The following PCNX1 variants were observed in gnomAD, a reference collection of about 807,000 sequenced individuals.
PCNX1 encodes pecanex 1.
A neutral mutation model predicts 242.2 loss-of-function variants in PCNX1; 78 were observed. The observed-to-expected ratio is 0.32, with a 90% confidence interval of 0.27 to 0.39. The LOEUF (loss-of-function observed/expected upper bound fraction) is 0.39, where lower values mean the gene tolerates loss of function less well. Ranked by LOEUF, PCNX1 falls within the 10% of genes least tolerant of loss-of-function variation. The probability of loss-of-function intolerance (pLI) is 1.00; values close to 1 mark genes in which losing one functional copy is unlikely to be tolerated. For synonymous variants in PCNX1, 1,024 were observed against 1,032.9 expected, an observed-to-expected ratio of 0.99 and a Z score of 0.17; for missense variants, 2,581 against 2,856.5, an observed-to-expected ratio of 0.90 and a Z score of 2.20.
At chr14:71,067,080 T>C (rs1377613553) in intron 26 of PCNX1, among the ~76,000 whole-genome samples, 1 of 152,144 alleles carries the variant, frequency 6.6e-6, no homozygotes. Context: ...CTTTTTTTTT[T>C]TTAATGTCTC....
At position 71,108,703 on chromosome 14, in the gene PCNX1, G is replaced by A. The variant is rs371427337; in HGVS notation, c.6401G>A (p.Arg2134Gln). The A allele has an allele frequency of 1.2e-5, 19 of 1,614,108 alleles. No individual in the cohort carries two copies. The highest frequency in any genetic ancestry group is 1.6e-4 in the Middle Eastern group (1 of 6,084). The stretch of plus-strand genomic sequence containing the variant: ...CAGTCTTCCTACTGCTATAGCAGCC[G>A]GCATTCATCCCTCCGGATGTCCACC... ...ASQSSYCYSS[R>Q]HSSLRMSTTG... is the part of the protein sequence containing the mutation. The change falls in exon 34 of 36, where the codon CGG becomes CAG. Residue 2134 changes from arginine (R) to glutamine (Q), a missense_variant. Transcript: ENST00000304743.
chr14:71,033,551 A>C lies in PCNX1; in HGVS notation c.3668+13A>C, dbSNP rs1566726143. ...CATCTGTACTTTTGTAAGTGAACTCAATTGTTATTGAATTAAAAGAAATTT... is the reference window on the plus strand; with the variant it reads ...CATCTGTACTTTTGTAAGTGAACTCCATTGTTATTGAATTAAAAGAAATTT... On this transcript the variant is annotated intron_variant, in intron 17 of 35. Coordinates refer to ENST00000304743, the MANE Select transcript of PCNX1 (RefSeq NM_014982.3). 7.5e-7 allele frequency: 1 copy of C among 1,329,894 alleles called. No homozygotes were observed. Among genetic ancestry groups the C allele is most frequent in the Non-Finnish European group, 1.1e-6 (1 of 932,044 alleles). The allele number at this position is 1,329,894 out of a possible 1,614,324, so 82.4% of individuals were successfully genotyped here. A position where few individuals can be genotyped will look rare whatever the true frequency, so the allele number is the denominator to read the frequency against.
intron 30 of PCNX1, among the ~76,000 whole-genome samples, chr14:71,091,392 A>G: frequency 6.6e-6 from 1 of 152,192 alleles, no homozygotes; most frequent in Admixed American, 6.5e-5. Context: ...CAACCCAACA[A>G]TTCTACTTCT....
At chr14:70,946,535 C>T (rs909539197) in intron 1 of PCNX1, among the ~76,000 whole-genome samples, 4 of 152,044 alleles carry the variant, frequency 2.6e-5, no homozygotes, top group African/African-American at 9.7e-5. Flanking sequence ...TTTCTAGTAG[C>T]CACATTAAAT....
intron 8 of PCNX1, among the ~76,000 whole-genome samples, chr14:71,001,150 A>G (rs1032930938): frequency 1.9e-5 from 2 of 103,504 alleles, no homozygotes; most frequent in African/African-American, 9.3e-5. Flanking sequence ...TTATATCATT[A>G]TTTAATCAAT....
chr14:71,098,924 G>A (rs2062383199), intron 30 of PCNX1, among the ~76,000 whole-genome samples: 1 of 152,048 alleles, frequency 6.6e-6, no homozygotes. Context: ...TCAGTATGAG[G>A]GCTGTGGGTT....
intron 8 of PCNX1, among the ~76,000 whole-genome samples, chr14:70,997,931 A>G (rs1326928361): frequency 6.6e-6 from 1 of 152,206 alleles, no homozygotes; most frequent in Non-Finnish European, 1.5e-5. Flanking sequence ...GTTAGCTATG[A>G]TATTCCCTAA....
At chr14:71,101,312 G>T (rs867872310) in intron 30 of PCNX1, among the ~76,000 whole-genome samples, 2 of 152,156 alleles carry the variant, frequency 1.3e-5, no homozygotes, top group African/African-American at 4.8e-5. Context: ...TAATGTGTAG[G>T]TTTGTAATAG....
At chr14:70,981,531 G>A (rs768468879) in intron 6 of PCNX1, among the ~76,000 whole-genome samples, 30 of 152,008 alleles carry the variant, frequency 2.0e-4, no homozygotes, top group Admixed American at 3.3e-4. Context: ...GTTTTCATAC[G>A]TCCTGTCATT....
In PCNX1 at chr14:70,976,549, A is replaced by G. The variant is rs547779307; in HGVS notation, c.605-393A>G. Among the ~76,000 whole-genome samples the G allele has an allele frequency of 9.7e-4, 147 of 151,688 alleles. 7 individuals carry two copies. The South Asian group carries it at 0.028, about 29-fold the overall frequency. ...CACCACGCCCGGCTAATTTTTTTGT[A>G]TTTTTAGTAGAGACGGAGTTTCACA... On this transcript the variant is annotated intron_variant, in intron 5 of 35. Coordinates refer to ENST00000304743, the MANE Select transcript of PCNX1 (RefSeq NM_014982.3).
intron 15 of PCNX1, among the ~76,000 whole-genome samples, chr14:71,027,638 T>G (rs2060273771): frequency 6.6e-6 from 1 of 151,984 alleles, no homozygotes; most frequent in Non-Finnish European, 1.5e-5. Flanking sequence ...AGGCCTCATT[T>G]ATTTTCCAAG....
Position 70,988,642 on chromosome 14 carries a change from G to A in PCNX1, c.2387G>A (p.Arg796Gln), listed in dbSNP as rs776827561. ...TTTAGGCGCCAGGCAGTACGGCGCC[G>A]GCACAATGCAGGGAGTAACCCTACC... ...STFRRQAVRRRHNAGSNPTPP... is the reference protein window; with the variant it reads ...STFRRQAVRRQHNAGSNPTPP... Residue 796 changes from arginine (R) to glutamine (Q), a missense_variant, in exon 7 of 36, where the codon CGG becomes CAG. Around this residue, in one of 9 missense-constraint regions of PCNX1, gnomAD observed 1,204 missense variants for 1,216.7 expected, o/e 0.99. Transcript: ENST00000304743. The A allele has an allele frequency of 8.1e-6, 13 of 1,614,054 alleles. No homozygotes were observed. Among genetic ancestry groups the A allele is most frequent in the Admixed American group, 3.3e-5 (2 of 60,022 alleles).
At position 71,045,126 on chromosome 14, in the gene PCNX1, T is replaced by C; in HGVS notation, c.3868-7T>C. 1 of 1,569,890 alleles carries C rather than the reference T, an allele frequency of 6.4e-7. No individual in the cohort carries two copies. The highest frequency in any genetic ancestry group is 8.6e-7 in the Non-Finnish European group (1 of 1,161,632). ...CCTAATTTTATCACTTCTATTATTTTTTTTAGCCTGCCCTCAAGTATGTGT... is the reference window on the plus strand; with the variant it reads ...CCTAATTTTATCACTTCTATTATTTCTTTTAGCCTGCCCTCAAGTATGTGT... On this transcript the variant is annotated splice_region_variant and splice_polypyrimidine_tract_variant and intron_variant, in intron 19 of 35. Coordinates refer to ENST00000304743, the MANE Select transcript of PCNX1 (RefSeq NM_014982.3).
At chr14:71,106,045 ACTCTGTTGCTCAGGCTG>A (rs2062608857) in intron 33 of PCNX1, among the ~76,000 whole-genome samples, 1 of 150,872 alleles carries the variant, frequency 6.6e-6, no homozygotes, top group Non-Finnish European at 1.5e-5. Context: ...ACAGAGTCTC[ACTCTGTTGCTCAGGCTG>A]GAGTGCAGTG....
chr14:70,948,677 A>G (rs2057567941), intron 2 of PCNX1, among the ~76,000 whole-genome samples: 1 of 149,802 alleles, frequency 6.7e-6, no homozygotes, highest in African/African-American at 2.4e-5. Context: ...GTCTATATAG[A>G]TGTGTATATA....
At position 71,113,350 on chromosome 14, in the gene PCNX1, G is replaced by C. The variant is rs190545239; in HGVS notation, c.*3415G>C. 10 of 152,698 alleles carry C rather than the reference G, an allele frequency of 6.5e-5. No homozygotes were observed. In the East Asian group the frequency reaches 1.9e-3, roughly 29 times the overall value. The allele number at this position is 152,698 out of a possible 1,614,324, so 9.5% of individuals were successfully genotyped here. A position where few individuals can be genotyped will look rare whatever the true frequency, so the allele number is the denominator to read the frequency against. ...ATATTTGTATCCTAAGTGAGATATG[G>C]AAAATTACTCTGTATACTAAATGTC... On this transcript the variant is annotated 3_prime_UTR_variant, in exon 36 of 36. Coordinates refer to ENST00000304743, the MANE Select transcript of PCNX1 (RefSeq NM_014982.3).
At chr14:70,974,244 G>GTTT (rs1202073692) in intron 5 of PCNX1, among the ~76,000 whole-genome samples, 76 of 117,216 alleles carry the variant, frequency 6.5e-4, no homozygotes, top group African/African-American at 1.9e-3. Context: ...TTTTTTTGTT[G>GTTT]TTTTTTTTTT....
At chr14:70,980,238 T>C (rs541046576) in intron 6 of PCNX1, among the ~76,000 whole-genome samples, 29 of 152,172 alleles carry the variant, frequency 1.9e-4, no homozygotes, top group African/African-American at 6.5e-4. Flanking sequence ...TCATGGGGAC[T>C]GTGAGGTGTT....
At chr14:70,912,989 C>T (rs1395884987) in intron 1 of PCNX1, among the ~76,000 whole-genome samples, 1 of 152,216 alleles carries the variant, frequency 6.6e-6, no homozygotes, top group Non-Finnish European at 1.5e-5. Flanking sequence ...AGCCTGATAA[C>T]CATAAATAGG....
Sources: allele counts gnomAD v4.1 joint callset (sites outside exome capture counted in the v4.1 genomes callset), GRCh38; gene constraint gnomAD v4.1.1; regional missense constraint gnomAD v4.1.1; transcripts MANE v1.5; gene names NCBI Gene and HGNC (gene_info 2026-07-23, HGNC 2026-07-21).